B3GAT2: variants seen among roughly 807,000 people sequenced by gnomAD.
B3GAT2 encodes beta-1,3-glucuronyltransferase 2.
B3GAT2 carries 26 observed loss-of-function variants against 27.8 expected under a neutral mutation model. The ratio of observed to expected loss-of-function variants is 0.93; its 90% confidence interval spans 0.68 to 1.30. The LOEUF is 1.30. Ranked by LOEUF, B3GAT2 falls within the 50% of genes most tolerant of loss-of-function variation. B3GAT2 has a pLI of 0.00. For missense variants in B3GAT2, 458 were observed against 459.0 expected, an observed-to-expected ratio of 1.00 and a Z score of 0.02; for synonymous variants, 218 against 195.1, an observed-to-expected ratio of 1.12 and a Z score of -0.98.
chr6:70,926,502 C>A (rs1401942722), intron 1 of B3GAT2, among the ~76,000 whole-genome samples: 3 of 152,126 alleles, frequency 2.0e-5, no homozygotes, highest in Non-Finnish European at 4.4e-5. Context: ...GAGCTGAAAA[C>A]CATGGCATGA....
chr6:70,902,665 C>T (rs776623617), intron 1 of B3GAT2, among the ~76,000 whole-genome samples: 117 of 105,724 alleles, frequency 1.1e-3, no homozygotes, highest in Middle Eastern at 0.011. Context: ...CACACACACA[C>T]ATATATATAT....
intron 1 of B3GAT2, among the ~76,000 whole-genome samples, chr6:70,908,026 G>C (rs1454992661): frequency 6.6e-6 from 1 of 152,156 alleles, no homozygotes; most frequent in East Asian, 1.9e-4. Flanking sequence ...CAATATACAA[G>C]ATTCTTCATA....
At chr6:70,917,361 A>C (rs1772791078) in intron 1 of B3GAT2, among the ~76,000 whole-genome samples, 1 of 151,768 alleles carries the variant, frequency 6.6e-6, no homozygotes, top group African/African-American at 2.4e-5. Flanking sequence ...TCCTGGGTTC[A>C]TTGATTTTTT....
chr6:70,948,986 T>G (rs369550813), intron 1 of B3GAT2, among the ~76,000 whole-genome samples: 1 of 151,724 alleles, frequency 6.6e-6, no homozygotes, highest in South Asian at 2.1e-4. Flanking sequence ...ATAAATGGTG[T>G]TGGGAAAACT....
chr6:70,859,534 C>G lies in B3GAT2; in HGVS notation c.*2129G>C. 1.6e-6 allele frequency: 1 copy of G among 644,380 alleles called. No homozygotes were observed. The highest frequency in any genetic ancestry group is 3.0e-5 in the East Asian group (1 of 33,068). 39.9% of individuals were successfully genotyped at this position (644,380 alleles called of 1,614,324 possible). On this transcript the variant is annotated 3_prime_UTR_variant, in exon 4 of 4. Transcript: ENST00000230053. The stretch of plus-strand genomic sequence containing the variant: ...AAATGTATTAAATTAAGAACACAGT[C>G]TAACTCTGAGTGTAAGTTTTAAACC...
chr6:70,858,434 T>C lies in B3GAT2; in HGVS notation c.*3229A>G. On this transcript the variant is annotated 3_prime_UTR_variant, in exon 4 of 4. Transcript: ENST00000230053. ...AAATGATGTGTTATTATCGCTATTT[T>C]AGAGTATTCTGTAAAAAAAAGGTTA... 1 of 465,130 alleles carries C rather than the reference T, an allele frequency of 2.1e-6. No individual in the cohort carries two copies. The highest frequency in any genetic ancestry group is 3.7e-6 in the Non-Finnish European group (1 of 272,854). 28.8% of individuals were successfully genotyped at this position (465,130 alleles called of 1,614,324 possible). A position where few individuals can be genotyped will look rare whatever the true frequency, so the allele number is the denominator to read the frequency against.
At chr6:70,937,617 T>A (rs1239549895) in intron 1 of B3GAT2, among the ~76,000 whole-genome samples, 1 of 151,720 alleles carries the variant, frequency 6.6e-6, no homozygotes, top group African/African-American at 2.4e-5. Context: ...TCAATAAATG[T>A]AATCCAGCAT....
intron 1 of B3GAT2, among the ~76,000 whole-genome samples, chr6:70,909,504 A>G (rs1265099551): frequency 6.6e-6 from 1 of 152,222 alleles, no homozygotes; most frequent in African/African-American, 2.4e-5. Flanking sequence ...TATTTTTAAC[A>G]GCTTTGTAAC....
chr6:70,930,786 A>G (rs548129322), intron 1 of B3GAT2, among the ~76,000 whole-genome samples: 7 of 152,316 alleles, frequency 4.6e-5, no homozygotes, highest in African/African-American at 1.4e-4. Flanking sequence ...TGATTCCTCA[A>G]GGATCTAGAA....
chr6:70,893,254 G>A (rs1021909991), intron 2 of B3GAT2, among the ~76,000 whole-genome samples: 2 of 152,168 alleles, frequency 1.3e-5, no homozygotes, highest in African/African-American at 4.8e-5. Context: ...TTCTGAACGC[G>A]GAGATCTTGA....
rs879653030 is a variant in B3GAT2, at chr6:70,956,007, G to A, written c.423C>T (p.His141=). ...ARAGLPSTHL[H]VPTPRRYKRP... is the part of the protein sequence containing the mutation. Reference sequence around the variant, plus strand: ...GCTTGTAGCGCCGCGGCGTGGGCACGTGCAGGTGAGTGCTGGGCAGCCCGG... The same window carrying A: ...GCTTGTAGCGCCGCGGCGTGGGCACATGCAGGTGAGTGCTGGGCAGCCCGG... The change falls in exon 1 of 4, where the codon CAC becomes CAT. Residue 141 remains histidine (H), a synonymous_variant. Coordinates refer to ENST00000230053, the MANE Select transcript of B3GAT2 (RefSeq NM_080742.3). The A allele has an allele frequency of 3.4e-6, 5 of 1,484,900 alleles. No individual in the cohort carries two copies. Among genetic ancestry groups the A allele is most frequent in the Non-Finnish European group, 4.4e-6 (5 of 1,127,852 alleles). 92.0% of individuals were successfully genotyped at this position (1,484,900 alleles called of 1,614,324 possible). A position where few individuals can be genotyped will look rare whatever the true frequency, so the allele number is the denominator to read the frequency against.
Position 70,859,080 on chromosome 6 carries a change from T to TAA in B3GAT2, c.*2582_*2583insTT, listed in dbSNP as rs914567089. 1.7e-5 allele frequency: 5 copies of TAA among 291,896 alleles called. No homozygotes were observed. Among genetic ancestry groups the TAA allele is most frequent in the African/African-American group, 1.1e-4 (5 of 45,878 alleles). The allele number at this position is 291,896 out of a possible 1,614,324, so 18.1% of individuals were successfully genotyped here. A position where few individuals can be genotyped will look rare whatever the true frequency, so the allele number is the denominator to read the frequency against. ...CTTGGTTTCTGTTTGGTCACTTGTT[T>TAA]TACCTTTAGAGCATTCAGGGAATAG... is the stretch of plus-strand genomic sequence containing the variant. On this transcript the variant is annotated 3_prime_UTR_variant, in exon 4 of 4. Coordinates refer to ENST00000230053, the MANE Select transcript of B3GAT2 (RefSeq NM_080742.3).
At chr6:70,918,026 G>A (rs1220105792) in intron 1 of B3GAT2, among the ~76,000 whole-genome samples, 1 of 152,090 alleles carries the variant, frequency 6.6e-6, no homozygotes, top group Non-Finnish European at 1.5e-5. Flanking sequence ...TATTGTGTGG[G>A]AGTCTAAGTC....
Position 70,861,835 on chromosome 6 carries a change from T to G in B3GAT2, c.880A>C (p.Thr294Pro). Residue 294 changes from threonine (T) to proline (P), a missense_variant, in exon 3 of 4, where the codon ACT becomes CCT. By Grantham distance (38) the Thr-to-Pro change is conservative. Coordinates refer to ENST00000230053, the MANE Select transcript of B3GAT2 (RefSeq NM_080742.3). Reference protein sequence around the residue: ...EELEPKANNCTKVLVWHTRTE... With the variant: ...EELEPKANNCPKVLVWHTRTE... Reference sequence around the variant, plus strand: ...AGCACAAGTGTAATGAATACCTTAGTGCAGTTATTTGCTTTCGGTTCCAGT... The same window carrying G: ...AGCACAAGTGTAATGAATACCTTAGGGCAGTTATTTGCTTTCGGTTCCAGT... 6.2e-7 allele frequency: 1 copy of G among 1,614,116 alleles called. No homozygotes were observed. The highest frequency in any genetic ancestry group is 8.5e-7 in the Non-Finnish European group (1 of 1,179,992).
intron 1 of B3GAT2, among the ~76,000 whole-genome samples, chr6:70,903,781 T>C (rs1229778129): frequency 6.6e-6 from 1 of 152,150 alleles, no homozygotes; most frequent in African/African-American, 2.4e-5. Flanking sequence ...AGGTCTCATA[T>C]ACATTCTTGG....
At chr6:70,901,677 C>A (rs1459615615) in intron 1 of B3GAT2, among the ~76,000 whole-genome samples, 1 of 152,196 alleles carries the variant, frequency 6.6e-6, no homozygotes, top group Non-Finnish European at 1.5e-5. Context: ...CCCATCATTC[C>A]CCACTGCAGT....
chr6:70,917,297 T>G (rs1380414135), intron 1 of B3GAT2, among the ~76,000 whole-genome samples: 1 of 152,214 alleles, frequency 6.6e-6, no homozygotes, highest in Non-Finnish European at 1.5e-5. Context: ...CTTTTCTTCC[T>G]TATTAGTCTT....
At chr6:70,953,435 T>C (rs1324382959) in intron 1 of B3GAT2, among the ~76,000 whole-genome samples, 1 of 152,210 alleles carries the variant, frequency 6.6e-6, no homozygotes, top group African/African-American at 2.4e-5. Flanking sequence ...ATGTTTGCCA[T>C]GCATGGAAAA....
chr6:70,905,782 C>G (rs1467062115), intron 1 of B3GAT2, among the ~76,000 whole-genome samples: 1 of 152,158 alleles, frequency 6.6e-6, no homozygotes, highest in South Asian at 2.1e-4. Context: ...TACAAAGGAG[C>G]TACTCTACAT....
Sources: allele counts gnomAD v4.1 joint callset (sites outside exome capture counted in the v4.1 genomes callset), GRCh38; gene constraint gnomAD v4.1.1; transcripts MANE v1.5; gene names NCBI Gene and HGNC (gene_info 2026-07-23, HGNC 2026-07-21).